HSPA9: variants seen among roughly 807,000 people sequenced by gnomAD.
HSPA9 encodes the protein heat shock protein family A (Hsp70) member 9.
A neutral mutation model predicts 81.5 loss-of-function variants in HSPA9; 28 were observed. The observed-to-expected ratio is 0.34, with a 90% CI of 0.25 to 0.47. The LOEUF is 0.47. HSPA9 is among the 20% of genes least tolerant of loss of function. HSPA9 has a pLI of 1.00. For synonymous variants in HSPA9, 293 were observed against 290.4 expected, an observed-to-expected ratio of 1.01 and a Z score of -0.09; for missense variants, 678 against 838.0, an observed-to-expected ratio of 0.81 and a Z score of 2.36.
chr5:138,558,755 A>T, intron 11 of HSPA9, 98 bp from the exon 12 acceptor site: 2 of 790,720 alleles, frequency 2.5e-6, no homozygotes, highest in Non-Finnish European at 4.5e-6. Flanking sequence ...CAAGACTGGA[A>T]GACTCCTAAT....
chr5:138,566,799 C>A, intron 8 of HSPA9, 81 bp from the exon 9 acceptor site: 11 of 1,194,062 alleles, frequency 9.2e-6, no homozygotes, highest in Non-Finnish European at 6.3e-6. Flanking sequence ...TGGAACAACA[C>A]AAAATGGAGT....
Position 138,559,907 on chromosome 5 carries a change from T to C in HSPA9, c.1367A>G (p.Lys456Arg). Residue 456 changes from lysine to arginine, a missense_variant, in exon 11 of 17, where the codon AAA (lysine) becomes AGA (arginine). Around this residue, in one of 4 missense-constraint regions of HSPA9, gnomAD observed 484 missense variants for 647.5 expected, o/e 0.75. Coordinates refer to ENST00000297185, the MANE Select transcript of HSPA9 (RefSeq NM_004134.7). ...GIETLGGVFT[K>R]LINRNTTIPT... ...AATAGTGGTATTCCTATTAATAAGTTTGGTAAAGACACCTCCTAGAGTTTC... is the reference window on the plus strand; with the variant it reads ...AATAGTGGTATTCCTATTAATAAGTCTGGTAAAGACACCTCCTAGAGTTTC... 1.9e-6 allele frequency: 3 copies of C among 1,614,058 alleles called. No homozygotes were observed. The highest frequency in any genetic ancestry group is 2.5e-6 in the Non-Finnish European group (3 of 1,179,964).
intron 3 of HSPA9, 103 bp downstream of exon 3, chr5:138,573,660 A>G: frequency 3.1e-6 from 2 of 648,426 alleles, no homozygotes; most frequent in East Asian, 3.0e-5. Context: ...AAAAAAAAAA[A>G]AAAAAAAAGC....
intron 3 of HSPA9, 72 bp from the exon 4 acceptor site, chr5:138,571,213 C>T (rs568411727): frequency 4.9e-5 from 71 of 1,454,590 alleles, no homozygotes; most frequent in Middle Eastern, 4.8e-4. Context: ...TGGAGTCTCA[C>T]TCTGTCGCTA....
chr5:138,563,899 A>G (rs1266029686), intron 9 of HSPA9, among the ~76,000 whole-genome samples: 1 of 152,136 alleles, frequency 6.6e-6, no homozygotes, highest in East Asian at 1.9e-4. Flanking sequence ...CTCATTTTCC[A>G]TGCCCACCAA....
At chr5:138,575,107 C>T (rs1751059339) in intron 1 of HSPA9, 131 bp downstream of exon 1, 2 of 669,852 alleles carry the variant, frequency 3.0e-6, no homozygotes, top group Admixed American at 5.7e-5. Flanking sequence ...TATGGAAGGC[C>T]CGTTACCTTC....
chr5:138,566,409 C>A (rs1561859758), intron 9 of HSPA9, among the ~76,000 whole-genome samples: 1 of 152,114 alleles, frequency 6.6e-6, no homozygotes, highest in East Asian at 1.9e-4. Context: ...GTATATGTAA[C>A]TGATTTGAGT....
chr5:138,571,410 C>A (rs1750884805), intron 3 of HSPA9, among the ~76,000 whole-genome samples: 1 of 152,148 alleles, frequency 6.6e-6, no homozygotes, highest in African/African-American at 2.4e-5. Context: ...GTCTCGAACT[C>A]CTGACCTCAG....
Position 138,553,786 on chromosome 5 carries a change from T to G in HSPA9, c.*2251A>C, listed in dbSNP as rs937633685. ...GCCTTTTGTGATAGTTAATTTTATG[T>G]GTCAGTTTAGCCATTGATGCCATTT... On this transcript the variant is annotated 3_prime_UTR_variant, in exon 17 of 17. Transcript: ENST00000297185. Among the ~76,000 whole-genome samples, 8 of 152,210 alleles carry G rather than the reference T, an allele frequency of 5.3e-5. No homozygotes were observed. The highest frequency in any genetic ancestry group is 1.9e-4 in the African/African-American group (8 of 41,446).
chr5:138,557,782 G>T, intron 13 of HSPA9, 87 bp downstream of exon 13: 1 of 847,516 alleles, frequency 1.2e-6, no homozygotes, highest in Non-Finnish European at 2.1e-6. Context: ...ATAACTGAGG[G>T]GCAAAGAGGA....
intron 14 of HSPA9, 144 bp from the exon 15 acceptor site, chr5:138,557,010 G>T: frequency 1.4e-6 from 1 of 707,140 alleles, no homozygotes; most frequent in Non-Finnish European, 2.6e-6. Context: ...GCATGAAAGA[G>T]TCTGGGATGG....
chr5:138,562,239 G>GA (rs1750677335), intron 9 of HSPA9, among the ~76,000 whole-genome samples: 1 of 148,574 alleles, frequency 6.7e-6, no homozygotes, highest in Non-Finnish European at 1.5e-5. Flanking sequence ...ACCCGGCCAA[G>GA]AATAGTTACT....
At chr5:138,556,277 C>T (rs1002718209) in intron 16 of HSPA9, among the ~76,000 whole-genome samples, 163 bp from the exon 17 acceptor site, 3 of 152,194 alleles carry the variant, frequency 2.0e-5, no homozygotes, top group Non-Finnish European at 4.4e-5. Context: ...TGGATTCCTT[C>T]CCTTTGACAC....
chr5:138,565,362 C>T (rs1161552053), intron 9 of HSPA9, among the ~76,000 whole-genome samples: 1 of 152,098 alleles, frequency 6.6e-6, no homozygotes, highest in Non-Finnish European at 1.5e-5. Flanking sequence ...CTATGTCACT[C>T]CTCACAGCCA....
chr5:138,567,304 A>G, intron 7 of HSPA9, 141 bp from the exon 8 acceptor site: 1 of 953,286 alleles, frequency 1.0e-6, no homozygotes, highest in Non-Finnish European at 1.6e-6. Flanking sequence ...CCATGGCCCA[A>G]AAGAAAAGAA....
At chr5:138,570,918 G>A in intron 4 of HSPA9, 42 bp downstream of exon 4, 1 of 1,570,706 alleles carries the variant, frequency 6.4e-7, no homozygotes. Context: ...TGTGGCCCTT[G>A]CAAATAACTG....
chr5:138,558,303 G>C (rs764252811), intron 12 of HSPA9, among the ~76,000 whole-genome samples: 2 of 151,088 alleles, frequency 1.3e-5, no homozygotes, highest in African/African-American at 2.5e-5. Context: ...TCAGAAACCA[G>C]TAACAATATC....
chr5:138,567,760 GA>G, intron 5 of HSPA9, 38 bp from the exon 6 acceptor site: 2 of 1,456,998 alleles, frequency 1.4e-6, no homozygotes, highest in Non-Finnish European at 1.9e-6. Flanking sequence ...AATTCTGTCA[GA>G]ACAGAATTAT....
In HSPA9 at chr5:138,567,483, A is replaced by G. The variant is rs1395163571; in HGVS notation, c.688T>C (p.Tyr230His). 2 of 1,613,834 alleles carry G rather than the reference A, an allele frequency of 1.2e-6. No individual in the cohort carries two copies. Among genetic ancestry groups the G allele is most frequent in the African/African-American group, 2.7e-5 (2 of 74,944 alleles). Residue 230 changes from tyrosine to histidine, a missense_variant, in exon 7 of 17, where the codon TAT (tyrosine) becomes CAT (histidine). This residue lies in a region of HSPA9 where 484 missense variants were observed against 647.5 expected (regional missense o/e 0.75). Transcript: ENST00000297185. Reference protein sequence around the residue: ...INEPTAAALAYGLDKSEDKVI... With the variant: ...INEPTAAALAHGLDKSEDKVI... ...TTGTCTTCTGATTTGTCTAGACCAT[A>G]GGCAAGAGCAGCAGCTGTGGGCTCA...
Sources: allele counts gnomAD v4.1 joint callset (sites outside exome capture counted in the v4.1 genomes callset), GRCh38; gene constraint gnomAD v4.1.1; regional missense constraint gnomAD v4.1.1; transcripts MANE v1.5; gene names NCBI Gene and HGNC (gene_info 2026-07-23, HGNC 2026-07-21).